The following STK10 variants were observed in gnomAD, a reference collection of about 807,000 sequenced individuals.
STK10 encodes serine/threonine-protein kinase 10.
In STK10, 78 loss-of-function variants were observed where a neutral mutation model predicts 113.8. That is an observed-to-expected ratio of 0.69 (90% CI 0.57 to 0.83). STK10 has a LOEUF of 0.83. STK10 is among the 40% of genes least tolerant of loss of function. The pLI is 0.00. For synonymous variants in STK10, 465 were observed against 494.7 expected, an observed-to-expected ratio of 0.94 and a Z score of 0.80; for missense variants, 1,109 against 1,280.1, an observed-to-expected ratio of 0.87 and a Z score of 2.04.
At chr5:172,071,293 A>C (rs1428615045) in intron 12 of STK10, among the ~76,000 whole-genome samples, 1 of 143,388 alleles carries the variant, frequency 7.0e-6, no homozygotes, top group East Asian at 2.2e-4. Flanking sequence ...TTTAAAAAAA[A>C]AAAAAAGAAG....
chr5:172,076,305 A>G (rs1186094110), intron 12 of STK10, among the ~76,000 whole-genome samples: 3 of 70,182 alleles, frequency 4.3e-5, no homozygotes, highest in East Asian at 4.6e-4. Context: ...CCTGTGCGTT[A>G]GTTGTGGGGG....
intron 2 of STK10, among the ~76,000 whole-genome samples, chr5:172,131,714 T>C (rs1490867546): frequency 6.6e-6 from 1 of 152,164 alleles, no homozygotes; most frequent in Non-Finnish European, 1.5e-5. Context: ...ATTATAAACT[T>C]GTCAGGGCTT....
Position 172,096,522 on chromosome 5 carries a change from C to T in STK10, c.909G>A (p.Leu303=). 1 of 1,613,810 alleles carries T rather than the reference C, an allele frequency of 6.2e-7. No individual in the cohort carries two copies. The change falls in exon 8 of 19, where the codon CTG becomes CTA. Residue 303 remains leucine, a synonymous_variant. Coordinates refer to ENST00000176763, the MANE Select transcript of STK10 (RefSeq NM_005990.4). The part of the protein sequence containing the change: ...FVSSITSNKA[L]RELVAEAKAE... ...CCTTGGCCTCAGCCACCAGCTCCCGCAGAGCCTTGTTACTGGTGATGCTGC... is the reference window on the plus strand; with the variant it reads ...CCTTGGCCTCAGCCACCAGCTCCCGTAGAGCCTTGTTACTGGTGATGCTGC...
intron 4 of STK10, among the ~76,000 whole-genome samples, chr5:172,109,552 C>A (rs1389190030): frequency 6.6e-6 from 1 of 152,092 alleles, no homozygotes; most frequent in Non-Finnish European, 1.5e-5. Context: ...AGCAATCCTC[C>A]TGCCTTGGCC....
intron 12 of STK10, among the ~76,000 whole-genome samples, chr5:172,078,107 C>T (rs1162416723): frequency 1.3e-5 from 2 of 152,170 alleles, no homozygotes; most frequent in East Asian, 3.8e-4. Context: ...TACTTCCTCA[C>T]CCAGCACCTT....
At chr5:172,164,080 T>C (rs1044572066) in intron 1 of STK10, among the ~76,000 whole-genome samples, 2 of 151,728 alleles carry the variant, frequency 1.3e-5, no homozygotes, top group African/African-American at 4.8e-5. Context: ...GGCGTGATGG[T>C]GCATGCCTGT....
chr5:172,152,898 A>AT (rs1770267431), intron 2 of STK10, among the ~76,000 whole-genome samples: 1 of 152,268 alleles, frequency 6.6e-6, no homozygotes, highest in Non-Finnish European at 1.5e-5. Flanking sequence ...CAAAATGATC[A>AT]TATTTTTATA....
At chr5:172,112,842 G>T (rs1581162540) in intron 4 of STK10, among the ~76,000 whole-genome samples, 1 of 151,544 alleles carries the variant, frequency 6.6e-6, no homozygotes, top group South Asian at 2.1e-4. Context: ...CACCTTCCGG[G>T]TTCAAGCAAT....
At chr5:172,072,367 T>A (rs28799615) in intron 12 of STK10, among the ~76,000 whole-genome samples, 1 of 151,840 alleles carries the variant, frequency 6.6e-6, no homozygotes, top group Non-Finnish European at 1.5e-5. Context: ...ACCGGGTTCA[T>A]GCCATTCTCC....
At chr5:172,172,207 T>G (rs894373947) in intron 1 of STK10, among the ~76,000 whole-genome samples, 1 of 151,920 alleles carries the variant, frequency 6.6e-6, no homozygotes, top group African/African-American at 2.4e-5. Context: ...ACAAACAGTA[T>G]GGCATGCACA....
At chr5:172,053,710 A>C (rs2113689120) in intron 17 of STK10, among the ~76,000 whole-genome samples, 1 of 152,360 alleles carries the variant, frequency 6.6e-6, no homozygotes, top group South Asian at 2.1e-4. Context: ...CCACGACCCT[A>C]CTGGGTTGGA....
intron 12 of STK10, among the ~76,000 whole-genome samples, chr5:172,078,713 T>C (rs1378701195): frequency 2.3e-5 from 3 of 127,946 alleles, no homozygotes; most frequent in Admixed American, 1.7e-4. Flanking sequence ...AAAACACCCA[T>C]AGAAAAAGAT....
At chr5:172,143,876 A>G (rs1272141738) in intron 2 of STK10, among the ~76,000 whole-genome samples, 1 of 152,238 alleles carries the variant, frequency 6.6e-6, no homozygotes, top group African/African-American at 2.4e-5. Flanking sequence ...GAATGAAAAA[A>G]TTCAGTAGCC....
chr5:172,099,420 A>G (rs905353707), intron 7 of STK10, among the ~76,000 whole-genome samples: 1 of 152,192 alleles, frequency 6.6e-6, no homozygotes, highest in Non-Finnish European at 1.5e-5. Context: ...GCATGCCTGT[A>G]ATCCCAGCTA....
intron 14 of STK10, 121 bp from the exon 15 acceptor site, chr5:172,057,594 A>C: frequency 4.9e-6 from 7 of 1,435,162 alleles, no homozygotes; most frequent in South Asian, 1.4e-5. Context: ...TGCTGGGCTC[A>C]GGAATTGCCA....
rs879743766 is a variant in STK10 at position 172,075,017 on chromosome 5, TAA to T, written c.1989+7307_1989+7308del. 5.8e-3 allele frequency among the ~76,000 whole-genome samples: 821 copies of T among 141,924 alleles called. 8 individuals carry two copies. Among genetic ancestry groups the T allele is most frequent in the African/African-American group, 0.02 (795 of 38,806 alleles). The allele number at this position is 141,924 out of a possible 152,430, so 93.1% of individuals were successfully genotyped here. A position where few individuals can be genotyped will look rare whatever the true frequency, so the allele number is the denominator to read the frequency against. ...CCTGGGGGACCGAGTGAGACTCCAT[TAA>T]AAAAAAAAAAAATTAGCTGAGTGTG... On this transcript the variant is annotated intron_variant, in intron 12 of 18. Coordinates refer to ENST00000176763, the MANE Select transcript of STK10 (RefSeq NM_005990.4).
chr5:172,116,696 G>A (rs1047756109), intron 4 of STK10, among the ~76,000 whole-genome samples: 4 of 147,220 alleles, frequency 2.7e-5, no homozygotes, highest in African/African-American at 7.5e-5. Flanking sequence ...GGTGAAACCC[G>A]GTCTCTACTA....
chr5:172,187,387 G>T lies in STK10; in HGVS notation c.156+500C>A, dbSNP rs1413661643. 6.6e-6 allele frequency among the ~76,000 whole-genome samples: 1 copy of T among 151,402 alleles called. No homozygotes were observed. The highest frequency in any genetic ancestry group is 1.5e-5 in the Non-Finnish European group (1 of 67,912). ...CACCCCTCGCCCACCCCACTTCCCT[G>T]TCTCTGGCTCATCTTCAGATGTGTC... On this transcript the variant is annotated intron_variant, in intron 1 of 18. Transcript: ENST00000176763. The surrounding 1 kb of genome is among the most constrained non-coding windows in gnomAD (Gnocchi z 4.6).
chr5:172,103,326 T>A (rs1050534318), intron 7 of STK10, among the ~76,000 whole-genome samples: 1 of 152,238 alleles, frequency 6.6e-6, no homozygotes, highest in Non-Finnish European at 1.5e-5. Context: ...GGTGCTTTAT[T>A]CATCTCCAGA....
Sources: gnomAD v4.1 joint callset for allele counts (sites outside exome capture counted in the v4.1 genomes callset) on GRCh38, gnomAD v4.1.1 for gene constraint, Gnocchi (gnomAD v3.1) non-coding constraint, MANE v1.5 for transcripts, NCBI Gene and HGNC (gene_info 2026-07-23, HGNC 2026-07-21) for gene names.